The following CSMD1 variants were observed in gnomAD, a reference collection of about 807,000 sequenced individuals.
The protein encoded by CSMD1 is CUB and Sushi multiple domains 1.
In CSMD1, 213 loss-of-function variants were observed where a neutral mutation model predicts 417.5. The observed-to-expected ratio is 0.51, with a 90% confidence interval of 0.46 to 0.57. The LOEUF (loss-of-function observed/expected upper bound fraction) is 0.57. CSMD1 is among the 20% of genes least tolerant of loss of function. The pLI is 0.00. For missense variants in CSMD1, 6,923 were observed against 4,529.7 expected (o/e 1.53, Z -15.17); for synonymous variants, 2,862 against 1,736.8 (o/e 1.65, Z -16.11).
intron 49 of CSMD1, among the ~76,000 whole-genome samples, chr8:3,064,423 G>C (rs980928731): frequency 6.6e-6 from 1 of 152,060 alleles, no homozygotes; most frequent in South Asian, 2.1e-4. Flanking sequence ...CTTCCCCTTC[G>C]CTTTCTGCCA....
chr8:3,966,966 T>A (rs926354681), intron 5 of CSMD1, among the ~76,000 whole-genome samples: 2 of 152,134 alleles, frequency 1.3e-5, no homozygotes, highest in Non-Finnish European at 2.9e-5. Context: ...CTCCATTCTG[T>A]TTTCAGGAGT....
intron 1 of CSMD1, among the ~76,000 whole-genome samples, chr8:4,721,679 A>C (rs1193298597): frequency 6.6e-6 from 1 of 152,178 alleles, no homozygotes; most frequent in Non-Finnish European, 1.5e-5. Context: ...TAGAAATATC[A>C]TATAACCCAG....
intron 2 of CSMD1, among the ~76,000 whole-genome samples, chr8:4,460,257 A>T (rs1378592126): frequency 6.6e-6 from 1 of 152,222 alleles, no homozygotes; most frequent in African/African-American, 2.4e-5. Context: ...AGTTAAAGAA[A>T]TCACTAGGGA....
At position 4,282,386 on chromosome 8, in the gene CSMD1, G is replaced by C. The variant is rs145582732; in HGVS notation, c.415+137567C>G. 7.0e-3 allele frequency among the ~76,000 whole-genome samples: 1,067 copies of C among 152,164 alleles called. 9 individuals are homozygous for C. The highest frequency in any genetic ancestry group is 0.024 in the African/African-American group (994 of 41,530). ...AGAGGGCTCTCTTCTTCATTTTCTC[G>C]GACTCATTAGCACATCAACATCCCA... On this transcript the variant is annotated intron_variant, in intron 3 of 69. Transcript: ENST00000635120.
chr8:4,310,286 A>G (rs1376233861), intron 3 of CSMD1, among the ~76,000 whole-genome samples: 2 of 152,160 alleles, frequency 1.3e-5, no homozygotes, highest in African/African-American at 4.8e-5. Context: ...GGCTGCTTAG[A>G]GCTGAAATTC....
At chr8:3,805,683 CCATTGTGTTT>C in intron 5 of CSMD1, among the ~76,000 whole-genome samples, 1 of 152,098 alleles carries the variant, frequency 6.6e-6, no homozygotes, top group Admixed American at 6.6e-5. Flanking sequence ...TACTACTGTA[CCATTGTGTTT>C]CATTCTTTCC....
At chr8:3,826,113 C>A (rs1005001901) in intron 5 of CSMD1, among the ~76,000 whole-genome samples, 2 of 151,964 alleles carry the variant, frequency 1.3e-5, no homozygotes, top group African/African-American at 4.8e-5. Flanking sequence ...AACAATAAAC[C>A]GGCCGTCAGC....
At chr8:4,036,979 G>C (rs1327964154) in intron 3 of CSMD1, among the ~76,000 whole-genome samples, 7 of 151,804 alleles carry the variant, frequency 4.6e-5, no homozygotes, top group South Asian at 2.1e-4. Flanking sequence ...GTGTGTGTGT[G>C]TGTGTGTGTG....
At chr8:3,713,805 T>C (rs1237023449) in intron 6 of CSMD1, among the ~76,000 whole-genome samples, 3 of 152,218 alleles carry the variant, frequency 2.0e-5, no homozygotes, top group African/African-American at 7.2e-5. Context: ...GACCAACTAC[T>C]TGCAAATTTG....
At chr8:4,497,645 C>T (rs1047502007) in intron 2 of CSMD1, among the ~76,000 whole-genome samples, 20 of 152,050 alleles carry the variant, frequency 1.3e-4, no homozygotes, top group African/African-American at 4.8e-4. Flanking sequence ...AATGGGAACT[C>T]GTGCCCCAGT....
At chr8:4,327,952 C>A (rs1207761546) in intron 3 of CSMD1, among the ~76,000 whole-genome samples, 1 of 152,140 alleles carries the variant, frequency 6.6e-6, no homozygotes, top group Non-Finnish European at 1.5e-5. Context: ...CCACTGTGAT[C>A]TAGAAGTTGA....
chr8:3,303,054 G>C (rs943034379), intron 25 of CSMD1, among the ~76,000 whole-genome samples: 36 of 152,236 alleles, frequency 2.4e-4, no homozygotes, highest in African/African-American at 7.9e-4. Context: ...TTTACTTCAT[G>C]GCTGAAATTA....
intron 5 of CSMD1, among the ~76,000 whole-genome samples, chr8:3,931,283 T>C (rs985140502): frequency 3.3e-5 from 5 of 150,598 alleles, no homozygotes; most frequent in Non-Finnish European, 7.4e-5. Context: ...TGTTAATAAA[T>C]GGTATTGTGA....
intron 40 of CSMD1, among the ~76,000 whole-genome samples, chr8:3,147,125 T>C (rs1818892845): frequency 6.6e-6 from 1 of 152,168 alleles, no homozygotes; most frequent in Non-Finnish European, 1.5e-5. Flanking sequence ...AAACTGTCAA[T>C]CAAGGAAACA....
At chr8:4,957,160 G>C (rs1314248943) in intron 1 of CSMD1, among the ~76,000 whole-genome samples, 1 of 152,210 alleles carries the variant, frequency 6.6e-6, no homozygotes, top group East Asian at 1.9e-4. Flanking sequence ...GGTAAAAACA[G>C]TTTGTGACAA....
At chr8:4,322,779 G>C (rs1317785455) in intron 3 of CSMD1, among the ~76,000 whole-genome samples, 1 of 152,190 alleles carries the variant, frequency 6.6e-6, no homozygotes, top group Non-Finnish European at 1.5e-5. Context: ...CGGATCACTT[G>C]ACTTCAGGAG....
chr8:4,455,122 G>A (rs550686684), intron 2 of CSMD1, among the ~76,000 whole-genome samples: 6 of 152,186 alleles, frequency 3.9e-5, no homozygotes, highest in African/African-American at 7.2e-5. Context: ...AAAGGATGAC[G>A]GATATCAAAG....
chr8:4,176,916 C>G (rs1215340126), intron 3 of CSMD1, among the ~76,000 whole-genome samples: 1 of 149,102 alleles, frequency 6.7e-6, no homozygotes, highest in Non-Finnish European at 1.5e-5. Flanking sequence ...ACAGGAGCAC[C>G]CAGATTCATA....
chr8:4,100,343 C>A (rs1218375546), intron 3 of CSMD1, among the ~76,000 whole-genome samples: 2 of 152,164 alleles, frequency 1.3e-5, no homozygotes, highest in Non-Finnish European at 2.9e-5. Flanking sequence ...CTCGTGACTT[C>A]TAGATTCTGG....
Sources: gnomAD v4.1 joint callset for allele counts (sites outside exome capture counted in the v4.1 genomes callset) on GRCh38, gnomAD v4.1.1 for gene constraint, MANE v1.5 for transcripts, NCBI Gene and HGNC (gene_info 2026-07-23, HGNC 2026-07-21) for gene names.